Variants in SPTBN1 observed in about 807,000 individuals in gnomAD.
The protein encoded by SPTBN1 is spectrin beta, non-erythrocytic 1.
Under a neutral mutation model 266.4 loss-of-function variants are expected in SPTBN1, and 32 were observed. That is an observed-to-expected ratio of 0.12 (90% CI 0.09 to 0.16). The LOEUF (loss-of-function observed/expected upper bound fraction) is 0.16, where lower values mean the gene tolerates loss of function less well. Ranked by LOEUF, SPTBN1 falls within the 10% of genes least tolerant of loss-of-function variation. The pLI, the probability that SPTBN1 is intolerant of heterozygous loss-of-function variation, is 1.00. For synonymous variants in SPTBN1, 1,336 were observed against 1,162.2 expected, an observed-to-expected ratio of 1.15 and a Z score of -3.04; for missense variants, 2,296 against 3,067.1, an observed-to-expected ratio of 0.75 and a Z score of 5.94.
intron 29 of SPTBN1, among the ~76,000 whole-genome samples, chr2:54,656,278 A>G (rs752622556): frequency 2.2e-4 from 33 of 152,152 alleles, no homozygotes; most frequent in Admixed American, 7.2e-4. Flanking sequence ...TACAGATAGA[A>G]GCCCTCTCCC....
chr2:54,543,560 C>T (rs1379187546), intron 2 of SPTBN1, among the ~76,000 whole-genome samples: 1 of 151,504 alleles, frequency 6.6e-6, no homozygotes, highest in Non-Finnish European at 1.5e-5. Flanking sequence ...AGTCCTTCTC[C>T]TGGGAAGCAG....
chr2:54,660,342 G>T, intron 32 of SPTBN1: 1 of 1,238,194 alleles, frequency 8.1e-7, no homozygotes, highest in East Asian at 3.7e-5. Context: ...ACCCTTACAT[G>T]AGTAATTGAA....
chr2:54,639,715 C>A (rs1254634412), intron 18 of SPTBN1, among the ~76,000 whole-genome samples: 1 of 152,244 alleles, frequency 6.6e-6, no homozygotes, highest in African/African-American at 2.4e-5. Flanking sequence ...TTTGTTTCCA[C>A]TTGCTCTAAA....
At chr2:54,567,796 A>G (rs1673765221) in intron 2 of SPTBN1, among the ~76,000 whole-genome samples, 1 of 152,110 alleles carries the variant, frequency 6.6e-6, no homozygotes, top group South Asian at 2.1e-4. Flanking sequence ...CTCTATATAT[A>G]TAGAAAGGCT....
At chr2:54,604,697 A>G (rs1026312299) in intron 3 of SPTBN1, among the ~76,000 whole-genome samples, 7 of 152,198 alleles carry the variant, frequency 4.6e-5, no homozygotes, top group Non-Finnish European at 1.0e-4. Flanking sequence ...AGAGCGAGAA[A>G]GAAGATGGGC....
chr2:54,516,644 G>C, intron 1 of SPTBN1, among the ~76,000 whole-genome samples: 1 of 152,164 alleles, frequency 6.6e-6, no homozygotes, highest in East Asian at 1.9e-4. Context: ...AGGCTCTTGG[G>C]TTAGATTGAA....
intron 1 of SPTBN1, among the ~76,000 whole-genome samples, chr2:54,478,077 A>G (rs1416059357): frequency 6.6e-6 from 1 of 152,174 alleles, no homozygotes; most frequent in African/African-American, 2.4e-5. Context: ...TACATTAAGA[A>G]AACATTTTTC....
At position 54,631,710 on chromosome 2, in the gene SPTBN1, A is replaced by G. The variant is rs1241412618; in HGVS notation, c.3564+99A>G. On this transcript the variant is annotated intron_variant, in intron 16 of 35. Transcript: ENST00000356805. Reference sequence around the variant, plus strand: ...GGCAGCTGGTTTAAACCACACCTGTATGGAATTATATGGATAATTTAGAGA... The same window carrying G: ...GGCAGCTGGTTTAAACCACACCTGTGTGGAATTATATGGATAATTTAGAGA... The G allele has an allele frequency of 9.4e-6, 13 of 1,387,218 alleles. No individual in the cohort carries two copies. In the South Asian group the frequency reaches 1.3e-4, roughly 13 times the overall value. The allele number at this position is 1,387,218 out of a possible 1,614,324, so 85.9% of individuals were successfully genotyped here. A position where few individuals can be genotyped will look rare whatever the true frequency, so the allele number is the denominator to read the frequency against.
intron 2 of SPTBN1, among the ~76,000 whole-genome samples, chr2:54,534,412 A>G (rs1286117104): frequency 1.3e-5 from 2 of 152,190 alleles, no homozygotes; most frequent in African/African-American, 2.4e-5. Flanking sequence ...GCACACAGTA[A>G]CTATACTACC....
At chr2:54,577,330 C>T (rs1302837007) in intron 2 of SPTBN1, among the ~76,000 whole-genome samples, 2 of 152,174 alleles carry the variant, frequency 1.3e-5, no homozygotes, top group African/African-American at 4.8e-5. Flanking sequence ...GAATGTGCTC[C>T]CCCAAGGCTC....
intron 33 of SPTBN1, 107 bp from the exon 34 acceptor site, chr2:54,665,808 C>CA: frequency 7.5e-7 from 1 of 1,334,264 alleles, no homozygotes; most frequent in South Asian, 1.5e-5. Context: ...GGTGGGGTCA[C>CA]ACTGTGTTGT....
At chr2:54,553,371 A>G (rs1672691175) in intron 2 of SPTBN1, among the ~76,000 whole-genome samples, 1 of 152,194 alleles carries the variant, frequency 6.6e-6, no homozygotes, top group Non-Finnish European at 1.5e-5. Context: ...GTAAGACAGA[A>G]AGAGAACTAG....
chr2:54,652,943 A>G (rs1680396182), intron 26 of SPTBN1: 1 of 152,052 alleles, frequency 6.6e-6, no homozygotes, highest in South Asian at 2.1e-4. Context: ...TAACTCAACC[A>G]AAATATGTAG....
At chr2:54,605,017 A>G (rs1034075373) in intron 3 of SPTBN1, among the ~76,000 whole-genome samples, 2 of 152,174 alleles carry the variant, frequency 1.3e-5, no homozygotes, top group Admixed American at 6.5e-5. Flanking sequence ...GGACGGAAGC[A>G]TGCCGCACTA....
intron 1 of SPTBN1, among the ~76,000 whole-genome samples, chr2:54,519,549 A>C (rs1431560585): frequency 6.6e-6 from 1 of 152,154 alleles, no homozygotes; most frequent in African/African-American, 2.4e-5. Context: ...CTTCTCTCTC[A>C]GGAGTTGCAA....
chr2:54,489,134 A>C (rs1250318301), intron 1 of SPTBN1, among the ~76,000 whole-genome samples: 3 of 144,416 alleles, frequency 2.1e-5, no homozygotes, highest in Non-Finnish European at 4.5e-5. Flanking sequence ...TAGCCTAGGC[A>C]AAACCTGGTC....
intron 1 of SPTBN1, among the ~76,000 whole-genome samples, chr2:54,457,882 G>A (rs1290275419): frequency 1.3e-5 from 2 of 152,248 alleles, no homozygotes; most frequent in African/African-American, 4.8e-5. Context: ...CCGGAGGGGC[G>A]CCCTGCATCA....
intron 24 of SPTBN1, among the ~76,000 whole-genome samples, chr2:54,648,534 G>T (rs1680062941): frequency 6.6e-6 from 1 of 152,210 alleles, no homozygotes; most frequent in Non-Finnish European, 1.5e-5. Flanking sequence ...TGGTACCAGA[G>T]AATGCAAGAC....
Position 54,620,011 on chromosome 2 carries a change from G to A in SPTBN1, c.764-1389G>A, listed in dbSNP as rs190477365. 1.1e-3 allele frequency among the ~76,000 whole-genome samples: 162 copies of A among 152,330 alleles called. 3 individuals carry two copies. The highest frequency in any genetic ancestry group is 6.5e-5 in the Admixed American group (1 of 15,304). On this transcript the variant is annotated intron_variant, in intron 7 of 35. Coordinates refer to ENST00000356805, the MANE Select transcript of SPTBN1 (RefSeq NM_003128.3). ...ATATCTGTTAAGAGCTGTCCTTTGT[G>A]TTCTCTTCACAACCTATCCCAAGTT...
Sources: gnomAD v4.1 joint callset for allele counts (sites outside exome capture counted in the v4.1 genomes callset) on GRCh38, gnomAD v4.1.1 for gene constraint, MANE v1.5 for transcripts, NCBI Gene and HGNC (gene_info 2026-07-23, HGNC 2026-07-21) for gene names.